The following PCA3 variants were observed in gnomAD, a reference collection of about 807,000 sequenced individuals.
The protein encoded by PCA3 is Differential Display code 3.
chr9:76,765,556 G>A (rs1292205158), intron 2 of PCA3, among the ~76,000 whole-genome samples: 1 of 152,116 alleles, frequency 6.6e-6, no homozygotes, highest in Non-Finnish European at 1.5e-5. Context: ...TGATGGGGAG[G>A]TGGCTCAATC....
chr9:76,782,579 A>G (rs1311056987), intron 2 of PCA3: 2 of 152,248 alleles, frequency 1.3e-5, no homozygotes, highest in Non-Finnish European at 1.5e-5. Flanking sequence ...GCCATATGTT[A>G]AGTTCCATGT....
At chr9:76,767,944 G>A (rs566481374) in intron 2 of PCA3, among the ~76,000 whole-genome samples, 2 of 152,314 alleles carry the variant, frequency 1.3e-5, no homozygotes, top group South Asian at 4.1e-4. Context: ...AGGACTGGAA[G>A]TATTAATAAT....
chr9:76,781,819 C>T (rs918089832), intron 2 of PCA3, among the ~76,000 whole-genome samples: 3 of 152,192 alleles, frequency 2.0e-5, no homozygotes, highest in Non-Finnish European at 2.9e-5. Context: ...ACCTTTCATC[C>T]TGCTGGACTC....
chr9:76,779,258 G>T (rs1244906631), intron 2 of PCA3, among the ~76,000 whole-genome samples: 3 of 150,540 alleles, frequency 2.0e-5, no homozygotes, highest in African/African-American at 7.4e-5. Context: ...GAAGTATCTG[G>T]ATGTTCCTTA....
chr9:76,782,138 C>T (rs934568026), intron 2 of PCA3, among the ~76,000 whole-genome samples: 15 of 151,892 alleles, frequency 9.9e-5, no homozygotes, highest in African/African-American at 2.9e-4. Flanking sequence ...GGCATGAACC[C>T]GGGAGGTGGA....
intron 2 of PCA3, chr9:76,785,020 CTTTG>C: frequency 6.6e-6 from 1 of 152,068 alleles, no homozygotes; most frequent in East Asian, 1.9e-4. Flanking sequence ...TATCCCTCCC[CTTTG>C]TTTGATTTTT....
intron 2 of PCA3, among the ~76,000 whole-genome samples, chr9:76,783,214 G>A (rs2054613482): frequency 1.3e-5 from 2 of 152,170 alleles, no homozygotes. Context: ...ACAGCTCACT[G>A]CAACCTCCGC....
At chr9:76,778,294 G>A (rs1238359309) in intron 2 of PCA3, 1 of 152,136 alleles carries the variant, frequency 6.6e-6, no homozygotes, top group Non-Finnish European at 1.5e-5. Context: ...TTCTCTTATG[G>A]CACAAATACA....
chr9:76,780,582 T>G (rs1480956801), intron 2 of PCA3, among the ~76,000 whole-genome samples: 5 of 151,926 alleles, frequency 3.3e-5, no homozygotes, highest in African/African-American at 7.3e-5. Flanking sequence ...TCCCAGCTAC[T>G]CGGGAGGCTG....
intron 2 of PCA3, among the ~76,000 whole-genome samples, chr9:76,780,955 A>AGG (rs2054321512): frequency 6.6e-6 from 1 of 152,140 alleles, no homozygotes; most frequent in African/African-American, 2.4e-5. Context: ...GACATCCACC[A>AGG]AGTTTTTATG....
intron 2 of PCA3, among the ~76,000 whole-genome samples, chr9:76,766,258 C>T (rs1340601439): frequency 1.3e-5 from 2 of 151,422 alleles, no homozygotes; most frequent in East Asian, 1.9e-4. Context: ...AAACTAGCTT[C>T]AAGCAGAAAA....
chr9:76,780,527 A>G (rs2054267254), intron 2 of PCA3, among the ~76,000 whole-genome samples: 2 of 152,012 alleles, frequency 1.3e-5, no homozygotes, highest in Non-Finnish European at 2.9e-5. Context: ...TTCTAATAAA[A>G]AAAAATACAA....
intron 2 of PCA3, among the ~76,000 whole-genome samples, chr9:76,777,267 T>C (rs1053030775): frequency 6.6e-6 from 1 of 152,148 alleles, no homozygotes; most frequent in Non-Finnish European, 1.5e-5. Flanking sequence ...ACCTCAGTTT[T>C]AGTAGGGAGG....
intron 2 of PCA3, among the ~76,000 whole-genome samples, chr9:76,765,965 G>A (rs1192317366): frequency 3.9e-5 from 6 of 152,130 alleles, no homozygotes; most frequent in Non-Finnish European, 4.4e-5. Context: ...GGCTGATCAC[G>A]AGGTCAAGAG....
chr9:76,774,384 T>C (rs1022437257), intron 2 of PCA3, among the ~76,000 whole-genome samples: 5 of 151,618 alleles, frequency 3.3e-5, no homozygotes, highest in African/African-American at 1.2e-4. Flanking sequence ...GCAATCCACC[T>C]GCTTTGGCCT....
chr9:76,775,379 C>G (rs1406174394), intron 2 of PCA3, among the ~76,000 whole-genome samples: 1 of 152,202 alleles, frequency 6.6e-6, no homozygotes, highest in Non-Finnish European at 1.5e-5. Context: ...TCACTGCAGC[C>G]TTGACCTTCC....
chr9:76,780,753 G>GT (rs2054295971), intron 2 of PCA3, among the ~76,000 whole-genome samples: 2 of 152,270 alleles, frequency 1.3e-5, no homozygotes, highest in African/African-American at 2.4e-5. Context: ...TTTTGTTTTT[G>GT]TTTTTGTTTT....
At chr9:76,784,480 A>C (rs1384851210) in intron 2 of PCA3, 1 of 152,204 alleles carries the variant, frequency 6.6e-6, no homozygotes, top group Non-Finnish European at 1.5e-5. Flanking sequence ...TCATAACCAA[A>C]TCATTTCATA....
intron 2 of PCA3, chr9:76,782,955 T>C (rs2054580552): frequency 6.6e-6 from 1 of 152,242 alleles, no homozygotes; most frequent in Non-Finnish European, 1.5e-5. Flanking sequence ...TTGGTGTCTA[T>C]GAATTAGACA....
Sources: gnomAD v4.1 joint callset for allele counts (sites outside exome capture counted in the v4.1 genomes callset) on GRCh38, gnomAD v4.1.1 for gene constraint, MANE v1.5 for transcripts, NCBI Gene and HGNC (gene_info 2026-07-23, HGNC 2026-07-21) for gene names.